Variants in CNKSR1 observed in about 807,000 individuals in gnomAD.
CNKSR1 encodes connector enhancer of kinase suppressor of Ras 1, also known as CNK homolog protein 1.
In CNKSR1, 88 loss-of-function variants were observed where a neutral mutation model predicts 95.6. That is an observed-to-expected ratio of 0.92 (90% CI 0.78 to 1.10). CNKSR1 has a LOEUF of 1.10. CNKSR1 is among the 50% of genes least tolerant of loss of function. CNKSR1 has a pLI of 0.00. For missense variants in CNKSR1, 836 were observed against 912.0 expected (o/e 0.92, Z 1.07); for synonymous variants, 355 against 369.7 (o/e 0.96, Z 0.46).
chr1:26,189,188 C>A, intron 20 of CNKSR1, 91 bp from the exon 21 acceptor site: 1 of 1,521,812 alleles, frequency 6.6e-7, no homozygotes, highest in South Asian at 1.1e-5. Flanking sequence ...TGCTGGCTTC[C>A]AGGCACCGGA....
chr1:26,177,716 C>G (rs1289629910), intron 1 of CNKSR1, 117 bp downstream of exon 1: 2 of 1,196,896 alleles, frequency 1.7e-6, no homozygotes, highest in Non-Finnish European at 2.4e-6. Flanking sequence ...TGGTTCACAC[C>G]TGTAATCCCA....
At chr1:26,184,908 TG>T in intron 13 of CNKSR1, 105 bp from the exon 14 acceptor site, 2 of 1,168,542 alleles carry the variant, frequency 1.7e-6, no homozygotes, top group East Asian at 2.6e-5. Flanking sequence ...GAGCAGAGTG[TG>T]GGTTCAGAGA....
At position 26,185,115 on chromosome 1, in the gene CNKSR1, A is replaced by G. The variant is rs777313366; in HGVS notation, c.1237A>G (p.Met413Val). The G allele has an allele frequency of 3.1e-6, 5 of 1,596,972 alleles. No individual in the cohort carries two copies. The highest frequency in any genetic ancestry group is 3.5e-5 in the Admixed American group (2 of 57,690). The change falls in exon 14 of 21, where the codon ATG becomes GTG. Residue 413 changes from methionine (M) to valine (V), a missense_variant. Transcript: ENST00000361530. ...LLLRKAPGGF[M>V]GPRWRRRWFV... ...GTTGCGAAAGGCACCGGGCGGCTTC[A>G]TGGGCCCGCGCTGGCGCCGCCGCTG...
Position 26,187,490 on chromosome 1 carries a change from C to T in CNKSR1, c.1454+8C>T, listed in dbSNP as rs1211308580. On this transcript the variant is annotated splice_region_variant and intron_variant, in intron 16 of 20. Transcript: ENST00000361530. ...CCTGACAGATCTGAGCATGTGAGTG[C>T]CGCCTCCCTTAGCCCCTACTCTCAT... The T allele has an allele frequency of 1.2e-6, 2 of 1,613,498 alleles. No individual in the cohort carries two copies. Among genetic ancestry groups the T allele is most frequent in the African/African-American group, 2.7e-5 (2 of 74,876 alleles).
At chr1:26,178,523 G>C (rs1431474713) in intron 1 of CNKSR1, among the ~76,000 whole-genome samples, 2 of 152,202 alleles carry the variant, frequency 1.3e-5, no homozygotes, top group Admixed American at 6.5e-5. Flanking sequence ...CTGACACACA[G>C]TGCGACCAGG....
At position 26,183,412 on chromosome 1, in the gene CNKSR1, G is replaced by A; in HGVS notation, c.751G>A (p.Val251Met). 6.2e-7 allele frequency: 1 copy of A among 1,614,156 alleles called. No homozygotes were observed. Among genetic ancestry groups the A allele is most frequent in the Non-Finnish European group, 8.5e-7 (1 of 1,180,014 alleles). Reference protein sequence around the residue: ...DEVVQINEQVVVGWPRKNMVR... With the variant: ...DEVVQINEQVMVGWPRKNMVR... ...GGTTGTCCAGATCAACGAGCAGGTG[G>A]TGGTGCGTGAGGAGAGGGACATGGT... Residue 251 changes from valine (V) to methionine (M), a missense_variant and splice_region_variant, in exon 8 of 21, where the codon GTG (valine) becomes ATG (methionine). Transcript: ENST00000361530.
rs1228578354 is a variant in CNKSR1, at chr1:26,189,598, C to G, written c.*50C>G. ...ACCTTTGACCCGAGGGCCACCTCAA[C>G]CCCAGCTTCTGACGTGTCCAGGACA... On this transcript the variant is annotated 3_prime_UTR_variant, in exon 21 of 21. Transcript: ENST00000361530. 1 of 925,072 alleles carries G rather than the reference C, an allele frequency of 1.1e-6. No homozygotes were observed. Among genetic ancestry groups the G allele is most frequent in the East Asian group, 2.4e-5 (1 of 41,858 alleles). The allele number at this position is 925,072 out of a possible 1,614,324, so 57.3% of individuals were successfully genotyped here.
intron 9 of CNKSR1, 41 bp from the exon 10 acceptor site, chr1:26,184,030 A>C: frequency 6.7e-7 from 1 of 1,503,146 alleles, no homozygotes; most frequent in Non-Finnish European, 9.1e-7. Context: ...ACCTGCTTTC[A>C]GACCCCTGTC....
At chr1:26,183,562 C>G in intron 8 of CNKSR1, 148 bp downstream of exon 8, 1 of 1,025,648 alleles carries the variant, frequency 9.7e-7, no homozygotes, top group East Asian at 2.4e-5. Flanking sequence ...TGAGAGCATC[C>G]TCTGCAGAGC....
rs1464861016 is a variant in CNKSR1 at position 26,182,554 on chromosome 1, G to A, written c.594G>A (p.Val198=). The A allele has an allele frequency of 2.0e-5, 32 of 1,613,380 alleles. No homozygotes were observed. The highest frequency in any genetic ancestry group is 2.7e-5 in the Non-Finnish European group (32 of 1,180,014). ...AGGAGCTGCTGGAACAGAAGGCCGT[G>A]CTCGAGCAGGTGCAGCTGGACAGTC... ...CPKELLEQKA[V]LEQVQLDSPL... Residue 198 remains valine (V), a synonymous_variant, in exon 6 of 21, where the codon GTG becomes GTA. Coordinates refer to ENST00000361530, the MANE Select transcript of CNKSR1 (RefSeq NM_006314.3).
intron 8 of CNKSR1, 73 bp from the exon 9 acceptor site, chr1:26,183,656 C>T (rs549351912): frequency 6.7e-4 from 806 of 1,196,386 alleles, no homozygotes; most frequent in Middle Eastern, 3.0e-3. Context: ...GCTCCCAGCA[C>T]GAGGGTGAGA....
chr1:26,188,917 A>T lies in CNKSR1; in HGVS notation c.1836A>T (p.Arg612=). ...ACCGAGACCCTCAGCTCAATGAGCG[A>T]GTGCACCGTGTGCGGGCGCTACAGA... The part of the protein sequence containing the change: ...RRNRDPQLNE[R]VHRVRALQST... The change falls in exon 20 of 21, where the codon CGA becomes CGT. Residue 612 remains arginine (R), a synonymous_variant. Transcript: ENST00000361530. The T allele has an allele frequency of 8.1e-6, 13 of 1,613,730 alleles. No homozygotes were observed. Among genetic ancestry groups the T allele is most frequent in the Non-Finnish European group, 1.1e-5 (13 of 1,179,964 alleles).
In CNKSR1 at chr1:26,185,137, G is replaced by C. The variant is rs375934480; in HGVS notation, c.1259G>C (p.Arg420Pro). 1 of 1,574,768 alleles carries C rather than the reference G, an allele frequency of 6.4e-7. No individual in the cohort carries two copies. Among genetic ancestry groups the C allele is most frequent in the Admixed American group, 1.9e-5 (1 of 53,926 alleles). Residue 420 changes from arginine (R) to proline (P), a missense_variant, in exon 14 of 21, where the codon CGC becomes CCC. Coordinates refer to ENST00000361530, the MANE Select transcript of CNKSR1 (RefSeq NM_006314.3). ...TTCATGGGCCCGCGCTGGCGCCGCC[G>C]CTGGTTTGTGCTCAAGGGACACACG... Reference protein sequence around the residue: ...GGFMGPRWRRRWFVLKGHTLY... With the variant: ...GGFMGPRWRRPWFVLKGHTLY...
rs1267559522 is a variant in CNKSR1 at position 26,189,760 on chromosome 1, C to T, written c.*212C>T. ...AAACTCTCCCCCCAAATCCTCCAAC[C>T]TCTGGGGCCACAGCCCTGCCCCTCC... is the stretch of plus-strand genomic sequence containing the variant. On this transcript the variant is annotated 3_prime_UTR_variant, in exon 21 of 21. Coordinates refer to ENST00000361530, the MANE Select transcript of CNKSR1 (RefSeq NM_006314.3). 1.4e-6 allele frequency: 1 copy of T among 698,540 alleles called. No homozygotes were observed. The highest frequency in any genetic ancestry group is 2.7e-5 in the East Asian group (1 of 37,202). The allele number at this position is 698,540 out of a possible 1,614,324, so 43.3% of individuals were successfully genotyped here.
intron 1 of CNKSR1, chr1:26,180,247 C>G: frequency 6.3e-6 from 4 of 630,182 alleles, no homozygotes; most frequent in Non-Finnish European, 1.1e-5. Context: ...TGCTGCTGGT[C>G]TGGGGGCCAC....
Position 26,185,050 on chromosome 1 carries a change from G to A in CNKSR1, c.1172G>A (p.Cys391Tyr), listed in dbSNP as rs1464096954. Residue 391 changes from cysteine to tyrosine, a missense_variant, in exon 14 of 21, where the codon TGC (cysteine) becomes TAC (tyrosine). Coordinates refer to ENST00000361530, the MANE Select transcript of CNKSR1 (RefSeq NM_006314.3). ...CGGCTGAGCCGCCGGCGGGTGTCAT[G>A]CCGTGAGCTGGGCCGGCCGGACTGT... The part of the protein sequence containing the change: ...ATRLSRRRVS[C>Y]RELGRPDCDG... 1.6e-5 allele frequency: 25 copies of A among 1,603,898 alleles called. No homozygotes were observed. Among genetic ancestry groups the A allele is most frequent in the Non-Finnish European group, 1.9e-5 (22 of 1,178,482 alleles).
In CNKSR1 at chr1:26,183,727, A is replaced by G; in HGVS notation, c.754-2A>G. 1 of 1,607,486 alleles carries G rather than the reference A, an allele frequency of 6.2e-7. No homozygotes were observed. Among genetic ancestry groups the G allele is most frequent in the Non-Finnish European group, 8.5e-7 (1 of 1,174,132 alleles). ...ATACCAGCCAGTGTTTCTGTCCCCC[A>G]GGTGGGATGGCCCCGTAAGAACATG... On this transcript the variant is annotated splice_acceptor_variant, in intron 8 of 20. Coordinates refer to ENST00000361530, the MANE Select transcript of CNKSR1 (RefSeq NM_006314.3). LOFTEE classifies it high-confidence loss of function.
rs757634487 is a variant in CNKSR1, at chr1:26,182,632, G to C, written c.624+48G>C. 3 of 1,516,796 alleles carry C rather than the reference G, an allele frequency of 2.0e-6. No homozygotes were observed. The African/African-American group carries it at 4.1e-5, about 21-fold the overall frequency. The allele number at this position is 1,516,796 out of a possible 1,614,324, so 94.0% of individuals were successfully genotyped here. A position where few individuals can be genotyped will look rare whatever the true frequency, so the allele number is the denominator to read the frequency against. On this transcript the variant is annotated intron_variant, in intron 6 of 20. Transcript: ENST00000361530. Reference sequence around the variant, plus strand: ...TCACTTCTGACCCCTTGGCAGCCTTGTCTGGGCCCTGAAATAGGGTCCAGG... The same window carrying C: ...TCACTTCTGACCCCTTGGCAGCCTTCTCTGGGCCCTGAAATAGGGTCCAGG...
chr1:26,180,878 T>C lies in CNKSR1; in HGVS notation c.374T>C (p.Leu125Pro). The change falls in exon 3 of 21, where the codon CTC (leucine) becomes CCC (proline). Residue 125 changes from leucine to proline, a missense_variant. Coordinates refer to ENST00000361530, the MANE Select transcript of CNKSR1 (RefSeq NM_006314.3). ...GAGCTGTTGCATGAAGCTGACGCCC[T>C]CCTCTTCTGGCTCAGCAGGTACCCG... ...AVELLHEADALLFWLSRYLFS... is the reference protein window; with the variant it reads ...AVELLHEADAPLFWLSRYLFS... The C allele has an allele frequency of 6.2e-7, 1 of 1,614,192 alleles. No homozygotes were observed. Among genetic ancestry groups the C allele is most frequent in the Non-Finnish European group, 8.5e-7 (1 of 1,180,032 alleles).
Sources: gnomAD v4.1 joint callset for allele counts (sites outside exome capture counted in the v4.1 genomes callset) on GRCh38, gnomAD v4.1.1 for gene constraint, MANE v1.5 for transcripts, NCBI Gene and HGNC (gene_info 2026-07-23, HGNC 2026-07-21) for gene names.